BTBD16: variants seen among roughly 807,000 people sequenced by gnomAD.
BTBD16 encodes the protein BTB domain containing 16.
A neutral mutation model predicts 67.4 loss-of-function variants in BTBD16; 66 were observed. The ratio of observed to expected loss-of-function variants is 0.98; its 90% confidence interval spans 0.80 to 1.20. The LOEUF is 1.20. BTBD16 is among the 50% of genes most tolerant of loss of function. The pLI is 0.00. For synonymous variants in BTBD16, 242 were observed against 236.4 expected (o/e 1.02, Z -0.22); for missense variants, 634 against 616.0 (o/e 1.03, Z -0.31).
chr10:122,334,843 T>C (rs771355726), intron 13 of BTBD16, 38 bp from the exon 14 acceptor site: 4 of 1,281,298 alleles, frequency 3.1e-6, no homozygotes, highest in Admixed American at 1.7e-5. Flanking sequence ...CTAAATATTT[T>C]CCCCCCTTCA....
At chr10:122,271,945 A>G (rs566712690) in intron 1 of BTBD16, among the ~76,000 whole-genome samples, 16 of 152,254 alleles carry the variant, frequency 1.1e-4, no homozygotes, top group Non-Finnish European at 2.1e-4. Context: ...TGTGGGGTTT[A>G]TTCTGTGCTG....
intron 10 of BTBD16, among the ~76,000 whole-genome samples, chr10:122,310,908 C>CA (rs2096412626): frequency 3.3e-5 from 5 of 152,172 alleles, no homozygotes; most frequent in Non-Finnish European, 7.3e-5. Flanking sequence ...CGGGCATGGC[C>CA]TTGGCTGGCC....
chr10:122,274,078 A>T (rs1310263978), intron 1 of BTBD16, among the ~76,000 whole-genome samples: 1 of 152,158 alleles, frequency 6.6e-6, no homozygotes, highest in Non-Finnish European at 1.5e-5. Flanking sequence ...GAGCAAAGGG[A>T]GGTCAGCTGA....
chr10:122,273,561 T>C (rs2096333925), intron 1 of BTBD16, among the ~76,000 whole-genome samples: 1 of 151,966 alleles, frequency 6.6e-6, no homozygotes, highest in South Asian at 2.1e-4. Flanking sequence ...GCAATATAGA[T>C]CAGTCTGGGC....
At chr10:122,274,972 A>C (rs1198602635) in intron 1 of BTBD16, 68 bp from the exon 2 acceptor site, 1 of 1,056,926 alleles carries the variant, frequency 9.5e-7, no homozygotes, top group East Asian at 2.4e-5. Context: ...TAGATTCTTT[A>C]GGCCAATCTC....
intron 3 of BTBD16, among the ~76,000 whole-genome samples, chr10:122,278,516 A>G (rs1487288706): frequency 6.6e-6 from 1 of 152,028 alleles, no homozygotes; most frequent in Non-Finnish European, 1.5e-5. Context: ...AAACAGAACT[A>G]TTTTCTTTAT....
chr10:122,289,331 C>T (rs1268336087), intron 5 of BTBD16, among the ~76,000 whole-genome samples: 7 of 152,250 alleles, frequency 4.6e-5, no homozygotes, highest in Non-Finnish European at 1.0e-4. Context: ...TGACCATGCA[C>T]AGGGCTATGT....
intron 15 of BTBD16, among the ~76,000 whole-genome samples, chr10:122,337,245 G>A (rs2096464701): frequency 6.6e-6 from 1 of 152,178 alleles, no homozygotes. Flanking sequence ...AACTACCAAG[G>A]CCAGAGCCCC....
chr10:122,320,585 G>A (rs2096433803), intron 10 of BTBD16, among the ~76,000 whole-genome samples: 1 of 152,014 alleles, frequency 6.6e-6, no homozygotes, highest in African/African-American at 2.4e-5. Context: ...ACTTCATTCA[G>A]TTCAAAATAC....
intron 10 of BTBD16, among the ~76,000 whole-genome samples, chr10:122,319,373 T>C (rs1306267874): frequency 1.3e-5 from 2 of 152,200 alleles, no homozygotes; most frequent in Admixed American, 1.3e-4. Context: ...CACATTTATA[T>C]TTATGATTAA....
intron 10 of BTBD16, among the ~76,000 whole-genome samples, chr10:122,311,622 A>G (rs2096413858): frequency 6.6e-6 from 1 of 152,230 alleles, no homozygotes; most frequent in Admixed American, 6.5e-5. Flanking sequence ...AGAAGCAGGC[A>G]AATTTTCAAC....
rs1263092114 is a variant in BTBD16, at chr10:122,334,202, T to TTTTTA, written c.1165-675_1165-674insATTTT. ...TTACCATGTCCTCTTGACTTTTTTT[T>TTTTTA]TTTTTTTTTTTGAGATGGAGTCTTG... On this transcript the variant is annotated intron_variant, in intron 13 of 15. Coordinates refer to ENST00000260723, the MANE Select transcript of BTBD16 (RefSeq NM_144587.5). Among the ~76,000 whole-genome samples, 18 of 150,808 alleles carry TTTTTA rather than the reference T, an allele frequency of 1.2e-4. 1 individual carries two copies. Among genetic ancestry groups the TTTTTA allele is most frequent in the Admixed American group, 3.3e-4 (5 of 15,136 alleles).
intron 10 of BTBD16, 29 bp from the exon 11 acceptor site, chr10:122,329,449 GTC>G: frequency 1.2e-6 from 2 of 1,607,626 alleles, no homozygotes; most frequent in Non-Finnish European, 1.7e-6. Context: ...TTTGCTGAAG[GTC>G]TGTTATTCTT....
At chr10:122,283,192 A>G (rs1054178539) in intron 3 of BTBD16, among the ~76,000 whole-genome samples, 1 of 152,220 alleles carries the variant, frequency 6.6e-6, no homozygotes, top group African/African-American at 2.4e-5. Context: ...GCAGGGCCGG[A>G]GGCTGGGAGA....
Position 122,336,798 on chromosome 10 carries a change from T to A in BTBD16, c.1452+116T>A, listed in dbSNP as rs780721111. Reference sequence around the variant, plus strand: ...CTCTACACTGAAGATCCCTGGAAAATCTGGCTCAGTTTCTTAAGGATTATC... The same window carrying A: ...CTCTACACTGAAGATCCCTGGAAAAACTGGCTCAGTTTCTTAAGGATTATC... On this transcript the variant is annotated intron_variant, in intron 15 of 15. Transcript: ENST00000260723. The A allele has an allele frequency of 7.4e-4, 662 of 894,592 alleles. 1 individual carries two copies. Among genetic ancestry groups the A allele is most frequent in the Non-Finnish European group, 9.0e-4 (568 of 628,992 alleles). 55.4% of individuals were successfully genotyped at this position (894,592 alleles called of 1,614,324 possible). A position where few individuals can be genotyped will look rare whatever the true frequency, so the allele number is the denominator to read the frequency against.
intron 10 of BTBD16, among the ~76,000 whole-genome samples, chr10:122,309,834 C>A (rs956489660): frequency 2.7e-5 from 4 of 147,972 alleles, no homozygotes; most frequent in African/African-American, 1.0e-4. Flanking sequence ...TGCAATGGCA[C>A]GATCTCGGCT....
chr10:122,329,674 T>C, intron 11 of BTBD16, 103 bp downstream of exon 11: 1 of 927,682 alleles, frequency 1.1e-6, no homozygotes, highest in South Asian at 1.5e-5. Flanking sequence ...TCCAAGGGAA[T>C]CACCTGAATC....
At chr10:122,308,001 G>A (rs1209939281) in intron 10 of BTBD16, among the ~76,000 whole-genome samples, 1 of 152,212 alleles carries the variant, frequency 6.6e-6, no homozygotes. Context: ...TATATGTACT[G>A]TGTTTAGTTT....
At chr10:122,281,938 G>T (rs1321371237) in intron 3 of BTBD16, among the ~76,000 whole-genome samples, 1 of 152,172 alleles carries the variant, frequency 6.6e-6, no homozygotes, top group Non-Finnish European at 1.5e-5. Flanking sequence ...ACCAAGCATT[G>T]CAATGGGACC....
Sources: allele counts gnomAD v4.1 joint callset (sites outside exome capture counted in the v4.1 genomes callset), GRCh38; gene constraint gnomAD v4.1.1; transcripts MANE v1.5; gene names NCBI Gene and HGNC (gene_info 2026-07-23, HGNC 2026-07-21).